Variants in CLVS1 observed in about 807,000 individuals in gnomAD.
The protein encoded by CLVS1 is clavesin-1.
Under a neutral mutation model 33.1 loss-of-function variants are expected in CLVS1, and 10 were observed. That is an observed-to-expected ratio of 0.30 (90% confidence interval 0.19 to 0.51). The LOEUF (loss-of-function observed/expected upper bound fraction) is 0.51. CLVS1 is among the 20% of genes least tolerant of loss of function. The pLI is 0.97. For synonymous variants in CLVS1, 163 were observed against 166.1 expected, an observed-to-expected ratio of 0.98 and a Z score of 0.14; for missense variants, 343 against 433.4, an observed-to-expected ratio of 0.79 and a Z score of 1.85.
chr8:61,128,714 C>T (rs1806025170), intron 1 of CLVS1, among the ~76,000 whole-genome samples: 1 of 152,214 alleles, frequency 6.6e-6, no homozygotes. Flanking sequence ...GTGAAGATGC[C>T]TTTGCATTTT....
upstream of CLVS1, chr8:61,057,075 G>A (rs1018494355): frequency 1.2e-4 from 19 of 152,292 alleles, no homozygotes; most frequent in African/African-American, 4.3e-4. Context: ...GGGAGTAGGA[G>A]CCAGACAAAG....
intron 1 of CLVS1, among the ~76,000 whole-genome samples, chr8:61,060,259 T>C (rs1804560493): frequency 6.6e-6 from 1 of 152,190 alleles, no homozygotes; most frequent in Non-Finnish European, 1.5e-5. Context: ...GAGGATGAAT[T>C]CATTTTTCTA....
intron 2 of CLVS1, among the ~76,000 whole-genome samples, chr8:61,252,428 T>C (rs1021081985): frequency 6.6e-6 from 1 of 152,182 alleles, no homozygotes; most frequent in Non-Finnish European, 1.5e-5. Flanking sequence ...AGATGTCTAT[T>C]AGGTCTGCTT....
chr8:61,165,604 T>C (rs2129297409), intron 2 of CLVS1, among the ~76,000 whole-genome samples: 1 of 152,338 alleles, frequency 6.6e-6, no homozygotes, highest in East Asian at 1.9e-4. Context: ...TAGGGATTCT[T>C]AGTCAGCCTA....
At chr8:61,323,724 G>T (rs766980536) in intron 2 of CLVS1, among the ~76,000 whole-genome samples, 11 of 151,882 alleles carry the variant, frequency 7.2e-5, no homozygotes, top group Non-Finnish European at 1.5e-4. Context: ...CTTGTGTCAT[G>T]GGGGTTTGTT....
intron 2 of CLVS1, among the ~76,000 whole-genome samples, chr8:61,134,909 T>A (rs931990076): frequency 6.6e-6 from 1 of 152,012 alleles, no homozygotes. Context: ...GGTAGTTTTA[T>A]CCTGCTGACC....
At chr8:61,071,001 T>G (rs1280793258) in intron 1 of CLVS1, among the ~76,000 whole-genome samples, 1 of 152,210 alleles carries the variant, frequency 6.6e-6, no homozygotes, top group Non-Finnish European at 1.5e-5. Flanking sequence ...CAAACCTTCC[T>G]GCTCCTGTCT....
In CLVS1 at chr8:61,389,063, A is replaced by T. The variant is rs1178358193; in HGVS notation, c.630+12284A>T. On this transcript the variant is annotated intron_variant, in intron 3 of 5. Coordinates refer to ENST00000325897, the MANE Select transcript of CLVS1 (RefSeq NM_173519.3). ...TTTTATTTTCTGTGCCTGGCACTTAACATAATGTACACACTTTATTCTTAA... is the reference window on the plus strand; with the variant it reads ...TTTTATTTTCTGTGCCTGGCACTTATCATAATGTACACACTTTATTCTTAA... 4.6e-5 allele frequency among the ~76,000 whole-genome samples: 7 copies of T among 152,302 alleles called. No individual in the cohort carries two copies. In the East Asian group the frequency reaches 1.3e-3, roughly 29 times the overall value.
chr8:61,475,570 G>GT (rs1181294400), intron 5 of CLVS1, among the ~76,000 whole-genome samples: 1 of 152,152 alleles, frequency 6.6e-6, no homozygotes, highest in Non-Finnish European at 1.5e-5. Flanking sequence ...TTTTTCATGT[G>GT]TTTTTTGGCT....
intron 2 of CLVS1, among the ~76,000 whole-genome samples, chr8:61,200,684 A>G (rs1333348187): frequency 6.6e-6 from 1 of 152,212 alleles, no homozygotes; most frequent in Non-Finnish European, 1.5e-5. Flanking sequence ...AGAAAGATTT[A>G]CCAATTTGTC....
At chr8:61,357,494 CTT>C (rs1167743712) in intron 2 of CLVS1, among the ~76,000 whole-genome samples, 534 of 25,824 alleles carry the variant, frequency 0.021, 9 homozygotes, top group African/African-American at 0.049. Flanking sequence ...TTTTTCTTTT[CTT>C]TTTTTTTTTT....
the CLVS1 span, among the ~76,000 whole-genome samples, chr8:61,030,176 C>T: frequency 2.0e-5 from 3 of 152,238 alleles, no homozygotes; most frequent in East Asian, 5.8e-4. Flanking sequence ...GACCAGAACA[C>T]TCAATAGAAG....
At chr8:61,177,660 C>T (rs1045430029) in intron 2 of CLVS1, among the ~76,000 whole-genome samples, 2 of 152,026 alleles carry the variant, frequency 1.3e-5, no homozygotes, top group South Asian at 4.2e-4. Context: ...CCCCAGCCTC[C>T]TCAAGTGACA....
chr8:61,126,816 T>A (rs1805981564), intron 1 of CLVS1, among the ~76,000 whole-genome samples: 1 of 152,240 alleles, frequency 6.6e-6, no homozygotes, highest in Admixed American at 6.5e-5. Context: ...TCTCTCCTGC[T>A]TTACACAACC....
intron 1 of CLVS1, among the ~76,000 whole-genome samples, chr8:61,064,461 G>C (rs557465942): frequency 6.6e-6 from 1 of 151,522 alleles, no homozygotes; most frequent in East Asian, 1.9e-4. Flanking sequence ...GACTAGTGCT[G>C]TTGAGCATCT....
chr8:61,422,176 T>A (rs1372508687), intron 3 of CLVS1, among the ~76,000 whole-genome samples: 7 of 151,870 alleles, frequency 4.6e-5, no homozygotes, highest in Non-Finnish European at 8.8e-5. Context: ...ACTTTCTAAT[T>A]AGAAGCAAGA....
the CLVS1 span, among the ~76,000 whole-genome samples, chr8:61,049,032 C>A: frequency 6.6e-6 from 1 of 152,154 alleles, no homozygotes; most frequent in Non-Finnish European, 1.5e-5. Flanking sequence ...TGAAGGGTTC[C>A]TTAGAGGACA....
chr8:61,257,226 G>A (rs1809101535), intron 2 of CLVS1, among the ~76,000 whole-genome samples: 1 of 152,136 alleles, frequency 6.6e-6, no homozygotes, highest in Non-Finnish European at 1.5e-5. Flanking sequence ...GAGTAGACAA[G>A]ACTTTTCTTT....
intron 3 of CLVS1, among the ~76,000 whole-genome samples, chr8:61,379,526 T>C (rs999354854): frequency 6.6e-6 from 1 of 152,198 alleles, no homozygotes; most frequent in Non-Finnish European, 1.5e-5. Context: ...CATCACAGCA[T>C]GGTTCCAGAA....
Sources: gnomAD v4.1 joint callset for allele counts (sites outside exome capture counted in the v4.1 genomes callset) on GRCh38, gnomAD v4.1.1 for gene constraint, MANE v1.5 for transcripts, NCBI Gene and HGNC (gene_info 2026-07-23, HGNC 2026-07-21) for gene names.